KIRREL3: variants seen among roughly 807,000 people sequenced by gnomAD.
The protein encoded by KIRREL3 is kirre like nephrin family adhesion molecule 3.
In KIRREL3, 36 loss-of-function variants were observed where a neutral mutation model predicts 89.7. The ratio of observed to expected loss-of-function variants is 0.40; its 90% CI spans 0.31 to 0.53. KIRREL3 has a LOEUF of 0.53. Ranked by LOEUF, KIRREL3 falls within the 20% of genes least tolerant of loss-of-function variation. KIRREL3 has a pLI of 0.49. For synonymous variants in KIRREL3, 445 were observed against 441.4 expected (o/e 1.01, Z -0.10); for missense variants, 864 against 1,056.6 (o/e 0.82, Z 2.53).
intron 1 of KIRREL3, among the ~76,000 whole-genome samples, chr11:126,857,704 G>T (rs142787784): frequency 3.5e-4 from 51 of 147,032 alleles, no homozygotes; most frequent in Non-Finnish European, 7.4e-5. Context: ...AGAGTCAACC[G>T]TTTTTCTATC....
At chr11:126,816,313 T>C (rs1951571362) in intron 1 of KIRREL3, among the ~76,000 whole-genome samples, 1 of 152,216 alleles carries the variant, frequency 6.6e-6, no homozygotes, top group Non-Finnish European at 1.5e-5. Flanking sequence ...GCATAGACAA[T>C]AGGTGAACTG....
In KIRREL3 at chr11:126,955,673, C is replaced by A. The variant is rs865817099; in HGVS notation, c.55+44782G>T. 6.6e-6 allele frequency among the ~76,000 whole-genome samples: 1 copy of A among 152,210 alleles called. No homozygotes were observed. ...AAGTAGCTACTATACACAGACCAGG[C>A]ACAGTGTGTGAACTGAAGAACTACA... On this transcript the variant is annotated intron_variant, in intron 1 of 16. Transcript: ENST00000525144. This position sits in a 1 kb window ranked among gnomAD's most constrained non-coding sequence, Gnocchi z 4.6.
intron 1 of KIRREL3, among the ~76,000 whole-genome samples, chr11:126,794,313 A>G (rs989345008): frequency 1.3e-5 from 2 of 152,194 alleles, no homozygotes; most frequent in African/African-American, 2.4e-5. Flanking sequence ...TTCCCTGCAC[A>G]GTATTTTCTG....
Position 126,555,229 on chromosome 11 carries a change from C to T in KIRREL3, c.133+7606G>A, listed in dbSNP as rs1939612804. 1.3e-5 allele frequency among the ~76,000 whole-genome samples: 2 copies of T among 152,164 alleles called. No individual in the cohort carries two copies. Among genetic ancestry groups the T allele is most frequent in the South Asian group, 4.1e-4 (2 of 4,830 alleles). On this transcript the variant is annotated intron_variant, in intron 2 of 16. Coordinates refer to ENST00000525144, the MANE Select transcript of KIRREL3 (RefSeq NM_032531.4). This position sits in a 1 kb window ranked among gnomAD's most constrained non-coding sequence, Gnocchi z 4.2. ...CAGCGTTCATTCCCTCTGGTTCCTG[C>T]ACTTGCTTGCTCACACACTCCCTCT...
chr11:126,512,805 G>A (rs1591657670), intron 4 of KIRREL3, among the ~76,000 whole-genome samples: 1 of 152,324 alleles, frequency 6.6e-6, no homozygotes, highest in East Asian at 1.9e-4. Context: ...GGAACTCAGG[G>A]AACAATGCCT....
chr11:126,785,450 G>A (rs536377354), intron 1 of KIRREL3, among the ~76,000 whole-genome samples: 8 of 152,232 alleles, frequency 5.3e-5, no homozygotes, highest in East Asian at 1.9e-4. Flanking sequence ...GATATGAAGC[G>A]TTCCAGGGGA....
At chr11:126,588,050 C>T (rs376820092) in intron 1 of KIRREL3, among the ~76,000 whole-genome samples, 5 of 152,132 alleles carry the variant, frequency 3.3e-5, no homozygotes, top group South Asian at 4.1e-4. Flanking sequence ...CTATATCTGC[C>T]GTTTGCTAGC....
chr11:126,938,627 T>A (rs971215658), intron 1 of KIRREL3, among the ~76,000 whole-genome samples: 1 of 152,224 alleles, frequency 6.6e-6, no homozygotes, highest in African/African-American at 2.4e-5. Flanking sequence ...CAGGGATGAT[T>A]GCTCGTGGGA....
At chr11:126,444,324 CAG>C (rs1249552987) in intron 10 of KIRREL3, among the ~76,000 whole-genome samples, 1 of 152,218 alleles carries the variant, frequency 6.6e-6, no homozygotes, top group African/African-American at 2.4e-5. Flanking sequence ...TCAGGAGCTG[CAG>C]AGATGCTCTC....
chr11:126,528,716 G>C lies in KIRREL3; in HGVS notation c.134-2029C>G, dbSNP rs903785609. On this transcript the variant is annotated intron_variant, in intron 2 of 16. Transcript: ENST00000525144. The surrounding 1 kb of genome is among the most constrained non-coding windows in gnomAD (Gnocchi z 4.6). ...GGCACCAAAACAGGGTAGAAAAGGA[G>C]GGAAGAGATGAGAGAGGAGAAGGGG... Among the ~76,000 whole-genome samples the C allele has an allele frequency of 6.6e-6, 1 of 151,758 alleles. No homozygotes were observed. Among genetic ancestry groups the C allele is most frequent in the Non-Finnish European group, 1.5e-5 (1 of 67,964 alleles).
intron 1 of KIRREL3, among the ~76,000 whole-genome samples, chr11:126,602,795 G>A (rs1382177801): frequency 6.6e-6 from 1 of 152,182 alleles, no homozygotes; most frequent in Non-Finnish European, 1.5e-5. Flanking sequence ...TTCTGTCGGG[G>A]GCAGTTCGCG....
At position 126,776,089 on chromosome 11, in the gene KIRREL3, T is replaced by C. The variant is rs1296721800; in HGVS notation, c.56-213177A>G. Among the ~76,000 whole-genome samples, 2 of 152,126 alleles carry C rather than the reference T, an allele frequency of 1.3e-5. No individual in the cohort carries two copies. The highest frequency in any genetic ancestry group is 4.8e-5 in the African/African-American group (2 of 41,452). ...GGGAAGTCAGGCCTGGCCTGGGGAT[T>C]GTGGGGTGACCTTCGCTGCAGGGGA... On this transcript the variant is annotated intron_variant, in intron 1 of 16. Coordinates refer to ENST00000525144, the MANE Select transcript of KIRREL3 (RefSeq NM_032531.4). This position sits in a 1 kb window ranked among gnomAD's most constrained non-coding sequence, Gnocchi z 4.7.
chr11:126,573,786 T>C (rs1941100490), intron 1 of KIRREL3, among the ~76,000 whole-genome samples: 1 of 152,092 alleles, frequency 6.6e-6, no homozygotes, highest in African/African-American at 2.4e-5. Context: ...AAAGCTCAAA[T>C]GCAGTCTCTC....
intron 1 of KIRREL3, among the ~76,000 whole-genome samples, chr11:126,786,860 A>G (rs1397555036): frequency 6.6e-6 from 1 of 152,116 alleles, no homozygotes; most frequent in Non-Finnish European, 1.5e-5. Flanking sequence ...GGCTGAAGCT[A>G]CTGGCCAGGC....
chr11:126,686,133 C>T lies in KIRREL3; in HGVS notation c.56-123221G>A, dbSNP rs1036151700. Among the ~76,000 whole-genome samples, 4 of 152,224 alleles carry T rather than the reference C, an allele frequency of 2.6e-5. No individual in the cohort carries two copies. Among genetic ancestry groups the T allele is most frequent in the South Asian group, 4.2e-4 (2 of 4,816 alleles). ...CATCAGCAGCTCCTTCCCTGTGGTC[C>T]GAGTTACTGGCAGGGTCTCTGCGTT... On this transcript the variant is annotated intron_variant, in intron 1 of 16. Coordinates refer to ENST00000525144, the MANE Select transcript of KIRREL3 (RefSeq NM_032531.4). The surrounding 1 kb of genome is among the most constrained non-coding windows in gnomAD (Gnocchi z 4.7).
rs1951600832 is a variant in KIRREL3 at position 126,817,145 on chromosome 11, A to G, written c.55+183310T>C. Among the ~76,000 whole-genome samples the G allele has an allele frequency of 6.6e-6, 1 of 152,226 alleles. No homozygotes were observed. Among genetic ancestry groups the G allele is most frequent in the African/African-American group, 2.4e-5 (1 of 41,464 alleles). ...AAAGATAGAAAAATTAAGCAGCTGG[A>G]CCATGGATAAACAGCAAAAAAGCCA... On this transcript the variant is annotated intron_variant, in intron 1 of 16. Transcript: ENST00000525144. The surrounding 1 kb of genome is among the most constrained non-coding windows in gnomAD (Gnocchi z 5.7).
rs1000692174 is a variant in KIRREL3 at position 126,623,031 on chromosome 11, C to G, written c.56-60119G>C. Among the ~76,000 whole-genome samples, 1 of 152,170 alleles carries G rather than the reference C, an allele frequency of 6.6e-6. No individual in the cohort carries two copies. Among genetic ancestry groups the G allele is most frequent in the Non-Finnish European group, 1.5e-5 (1 of 68,046 alleles). ...CAATCTGATGCTCAGAACCTAGACT[C>G]TTAATTACACTAATATGATATTTAC... On this transcript the variant is annotated intron_variant, in intron 1 of 16. Transcript: ENST00000525144. This position sits in a 1 kb window ranked among gnomAD's most constrained non-coding sequence, Gnocchi z 4.1.
chr11:126,457,267 G>T (rs775423756), intron 6 of KIRREL3, among the ~76,000 whole-genome samples: 3 of 117,532 alleles, frequency 2.6e-5, no homozygotes, highest in Non-Finnish European at 6.7e-5. Flanking sequence ...GTGTATGCAT[G>T]TGTGTGTATG....
intron 12 of KIRREL3, 124 bp from the exon 13 acceptor site, chr11:126,435,427 C>A (rs1217063574): frequency 3.2e-6 from 3 of 925,930 alleles, no homozygotes; most frequent in Admixed American, 2.0e-5. Context: ...GTCTCTGGGA[C>A]CCCCCAACAG....
Sources: allele counts gnomAD v4.1 joint callset (sites outside exome capture counted in the v4.1 genomes callset), GRCh38; gene constraint gnomAD v4.1.1; non-coding constraint Gnocchi (gnomAD v3.1); transcripts MANE v1.5; gene names NCBI Gene and HGNC (gene_info 2026-07-23, HGNC 2026-07-21).